The following TBC1D15 variants were observed in gnomAD, a reference collection of about 807,000 sequenced individuals.
TBC1D15 encodes TBC1 domain family member 15, also known as GAP for RAB7.
In TBC1D15, 39 loss-of-function variants were observed where a neutral mutation model predicts 95.4. The observed-to-expected ratio is 0.41, with a 90% CI of 0.32 to 0.53. The LOEUF (loss-of-function observed/expected upper bound fraction) is 0.53, where lower values mean the gene tolerates loss of function less well. Among genes scored for constraint, TBC1D15 ranks in the 20% least tolerant of loss-of-function variants. The pLI, the probability that TBC1D15 is intolerant of heterozygous loss-of-function variation, is 0.29. For synonymous variants in TBC1D15, 258 were observed against 261.3 expected, an observed-to-expected ratio of 0.99 and a Z score of 0.12; for missense variants, 733 against 794.3, an observed-to-expected ratio of 0.92 and a Z score of 0.93.
intron 11 of TBC1D15, among the ~76,000 whole-genome samples, chr12:71,911,932 G>T (rs1902475395): frequency 6.6e-6 from 1 of 152,076 alleles, no homozygotes; most frequent in Non-Finnish European, 1.5e-5. Flanking sequence ...GGCTTCTTAG[G>T]AATTTTTATT....
intron 3 of TBC1D15, among the ~76,000 whole-genome samples, chr12:71,879,871 A>C (rs533037723): frequency 6.6e-6 from 1 of 152,292 alleles, no homozygotes; most frequent in African/African-American, 2.4e-5. Flanking sequence ...TCTTTAGCTA[A>C]TATATGGTGT....
At chr12:71,915,712 C>G (rs1443149866) in intron 12 of TBC1D15, among the ~76,000 whole-genome samples, 1 of 152,002 alleles carries the variant, frequency 6.6e-6, no homozygotes, top group African/African-American at 2.4e-5. Context: ...AGTAAATGCT[C>G]TCTGTGTTTG....
At chr12:71,911,195 C>T (rs1902183761) in intron 11 of TBC1D15, among the ~76,000 whole-genome samples, 1 of 152,078 alleles carries the variant, frequency 6.6e-6, no homozygotes, top group Non-Finnish European at 1.5e-5. Context: ...CTAGTTCAAC[C>T]ATTGTGGAAG....
At chr12:71,908,675 TATA>T (rs1901420757) in intron 11 of TBC1D15, among the ~76,000 whole-genome samples, 2 of 152,316 alleles carry the variant, frequency 1.3e-5, no homozygotes, top group Admixed American at 6.5e-5. Context: ...TATGAGAACC[TATA>T]ATGAGCTTCA....
At chr12:71,860,634 T>G (rs1890170334) in intron 1 of TBC1D15, among the ~76,000 whole-genome samples, 1 of 152,202 alleles carries the variant, frequency 6.6e-6, no homozygotes, top group South Asian at 2.1e-4. Flanking sequence ...TGTTAGGAGT[T>G]TTTTGGTAGA....
Position 71,918,468 on chromosome 12 carries a change from T to C in TBC1D15, c.1519T>C (p.Tyr507His), listed in dbSNP as rs1868248680. 1 of 1,605,776 alleles carries C rather than the reference T, an allele frequency of 6.2e-7. No homozygotes were observed. The highest frequency in any genetic ancestry group is 1.1e-5 in the South Asian group (1 of 89,142). The stretch of plus-strand genomic sequence containing the variant: ...CTGCATAGAATCTCAGGACTCTGGA[T>C]ACCTTTATTTTTGCTTCAGGTGGCT... ...CSYLESQDSGYLYFCFRWLLI... is the reference protein window; with the variant it reads ...CSYLESQDSGHLYFCFRWLLI... Residue 507 changes from tyrosine to histidine, a missense_variant, in exon 14 of 17, where the codon TAC becomes CAC. Tyr to His is a moderately conservative substitution (Grantham distance 83). Transcript: ENST00000485960.
chr12:71,880,428 G>A, intron 3 of TBC1D15, 41 bp from the exon 4 acceptor site: 11 of 1,490,836 alleles, frequency 7.4e-6, no homozygotes, highest in Non-Finnish European at 9.9e-6. Context: ...AATTAAATTT[G>A]TTTTAGACTT....
intron 1 of TBC1D15, among the ~76,000 whole-genome samples, chr12:71,846,086 C>CT (rs528011841): frequency 9.1e-4 from 139 of 152,112 alleles, no homozygotes; most frequent in Non-Finnish European, 1.4e-3. Flanking sequence ...CTCATTTTTG[C>CT]TTTTTAATTA....
chr12:71,884,708 T>A (rs1895884610), intron 4 of TBC1D15, 103 bp from the exon 5 acceptor site: 2 of 964,760 alleles, frequency 2.1e-6, no homozygotes, highest in African/African-American at 1.6e-5. Flanking sequence ...CTATACTGAT[T>A]CCCTGGGTTC....
intron 11 of TBC1D15, among the ~76,000 whole-genome samples, chr12:71,908,465 A>G (rs768544855): frequency 1.3e-5 from 2 of 152,210 alleles, no homozygotes; most frequent in Non-Finnish European, 2.9e-5. Context: ...GATACTTAGC[A>G]CATTAAAACT....
chr12:71,874,625 T>C (rs1893395387), intron 3 of TBC1D15, among the ~76,000 whole-genome samples: 1 of 147,740 alleles, frequency 6.8e-6, no homozygotes, highest in African/African-American at 2.5e-5. Flanking sequence ...TTTACTATTT[T>C]TTTTTTTTTT....
rs1897877242 is a variant in TBC1D15, at chr12:71,894,950, A to G, written c.855+67A>G. ...AGGAGAACATGTACTATAGAAATAG[A>G]AACTTAATTTTGGTGATATCTGCTT... On this transcript the variant is annotated intron_variant, in intron 7 of 16. Coordinates refer to ENST00000485960, the MANE Select transcript of TBC1D15 (RefSeq NM_001146213.3). The G allele has an allele frequency of 4.1e-6, 6 of 1,466,432 alleles. No homozygotes were observed. The Admixed American group carries it at 1.3e-4, about 32-fold the overall frequency. The allele number at this position is 1,466,432 out of a possible 1,614,324, so 90.8% of individuals were successfully genotyped here.
intron 5 of TBC1D15, 117 bp from the exon 6 acceptor site, chr12:71,893,105 G>A: frequency 3.6e-6 from 2 of 556,458 alleles, no homozygotes; most frequent in Non-Finnish European, 5.9e-6. Context: ...ATGGAAAACT[G>A]TTAAAATATT....
At chr12:71,875,186 G>A (rs571787839) in intron 3 of TBC1D15, among the ~76,000 whole-genome samples, 88 of 152,252 alleles carry the variant, frequency 5.8e-4, no homozygotes, top group African/African-American at 2.1e-3. Flanking sequence ...CAGTCTGCCC[G>A]CCTTGGCCTC....
chr12:71,874,303 T>C (rs142109493), intron 3 of TBC1D15, among the ~76,000 whole-genome samples: 2 of 152,192 alleles, frequency 1.3e-5, no homozygotes, highest in Admixed American at 6.5e-5. Flanking sequence ...AAGTTGTATG[T>C]CGTTGTGGTT....
At chr12:71,881,384 A>G (rs1046977290) in intron 4 of TBC1D15, among the ~76,000 whole-genome samples, 3 of 152,206 alleles carry the variant, frequency 2.0e-5, no homozygotes, top group Non-Finnish European at 2.9e-5. Flanking sequence ...AGATCACTTT[A>G]TTAGTGGTTC....
At chr12:71,891,075 T>C (rs1209043995) in intron 5 of TBC1D15, among the ~76,000 whole-genome samples, 1 of 151,486 alleles carries the variant, frequency 6.6e-6, no homozygotes, top group African/African-American at 2.5e-5. Context: ...ATTTTGTTAT[T>C]GTACCTTTCT....
chr12:71,841,149 C>CATA (rs1207048667), intron 1 of TBC1D15: 2 of 152,078 alleles, frequency 1.3e-5, no homozygotes, highest in Non-Finnish European at 2.9e-5. Context: ...GAAGATTATC[C>CATA]TGTTTGATTT....
At position 71,894,741 on chromosome 12, in the gene TBC1D15, A is replaced by G; in HGVS notation, c.713A>G (p.Asn238Ser). 1 of 1,613,234 alleles carries G rather than the reference A, an allele frequency of 6.2e-7. No individual in the cohort carries two copies. The highest frequency in any genetic ancestry group is 8.5e-7 in the Non-Finnish European group (1 of 1,179,384). Residue 238 changes from asparagine to serine, a missense_variant, in exon 7 of 17, where the codon AAC (asparagine) becomes AGC (serine). Transcript: ENST00000485960. ...ATGATAGGATTTTCCAAAGTCACAA[A>G]CTACATTTTTGACAGTTTGAGAGGC... ...ATMIGFSKVT[N>S]YIFDSLRGSD...
Sources: allele counts gnomAD v4.1 joint callset (sites outside exome capture counted in the v4.1 genomes callset), GRCh38; gene constraint gnomAD v4.1.1; transcripts MANE v1.5; gene names NCBI Gene and HGNC (gene_info 2026-07-23, HGNC 2026-07-21).